Variants in KIF13B observed in about 807,000 individuals in gnomAD.
KIF13B encodes the protein kinesin family member 13B, also known as kinesin-like protein KIF13B.
In KIF13B, 127 loss-of-function variants were observed where a neutral mutation model predicts 222.0. The ratio of observed to expected loss-of-function variants is 0.57; its 90% CI spans 0.50 to 0.66. The LOEUF is 0.66. KIF13B is among the 30% of genes least tolerant of loss of function. The pLI, the probability that KIF13B is intolerant of heterozygous loss-of-function variation, is 0.00. For synonymous variants in KIF13B, 976 were observed against 919.0 expected, an observed-to-expected ratio of 1.06 and a Z score of -1.12; for missense variants, 2,173 against 2,379.0, an observed-to-expected ratio of 0.91 and a Z score of 1.80.
rs1046416343 is a variant in KIF13B at position 29,146,477 on chromosome 8, C to T, written c.2088G>A (p.Leu696=). ...CAGCAATGTAATTAGCTTCTCTCAC[C>T]AATAGATTGGCCTTAACAATTTGTT... ...LREQIVKANL[L]VREANYIAEE... is the part of the protein sequence containing the mutation. Residue 696 remains leucine, a synonymous_variant, in exon 18 of 40, where the codon TTG becomes TTA. Coordinates refer to ENST00000524189, the MANE Select transcript of KIF13B (RefSeq NM_015254.4). 27 of 1,613,504 alleles carry T rather than the reference C, an allele frequency of 1.7e-5. No homozygotes were observed. Among genetic ancestry groups the T allele is most frequent in the Non-Finnish European group, 2.3e-5 (27 of 1,179,586 alleles).
intron 22 of KIF13B, among the ~76,000 whole-genome samples, chr8:29,133,545 C>G (rs1244931097): frequency 6.6e-6 from 1 of 152,132 alleles, no homozygotes; most frequent in Non-Finnish European, 1.5e-5. Context: ...GAGCCAAGAT[C>G]GTGCCACTGC....
chr8:29,237,470 A>G (rs1050162803), intron 2 of KIF13B, among the ~76,000 whole-genome samples: 2 of 152,212 alleles, frequency 1.3e-5, no homozygotes, highest in Non-Finnish European at 2.9e-5. Flanking sequence ...AACCATATAC[A>G]CAAACCCTGA....
At chr8:29,109,858 A>T in intron 33 of KIF13B, 60 bp downstream of exon 33, 1 of 1,542,046 alleles carries the variant, frequency 6.5e-7, no homozygotes, top group Non-Finnish European at 8.9e-7. Flanking sequence ...ACAGAGTCAA[A>T]CACAGACTCA....
At chr8:29,183,164 GTTTGTTT>G (rs1812783653) in intron 6 of KIF13B, among the ~76,000 whole-genome samples, 1 of 104,836 alleles carries the variant, frequency 9.5e-6, no homozygotes, top group Non-Finnish European at 1.9e-5. Flanking sequence ...AATCCTTAAA[GTTTGTTT>G]TTTTTTTTTT....
chr8:29,139,087 T>G (rs1810693782), intron 21 of KIF13B, among the ~76,000 whole-genome samples: 1 of 152,160 alleles, frequency 6.6e-6, no homozygotes, highest in African/African-American at 2.4e-5. Context: ...GAAACGAGGT[T>G]GACCACAGGT....
chr8:29,240,002 G>T (rs1217467860), intron 2 of KIF13B, among the ~76,000 whole-genome samples: 1 of 134,614 alleles, frequency 7.4e-6, no homozygotes, highest in African/African-American at 2.8e-5. Flanking sequence ...TGTACCCCTG[G>T]AATCTAAAAG....
chr8:29,230,593 G>A (rs1375053652), intron 2 of KIF13B, among the ~76,000 whole-genome samples: 2 of 152,150 alleles, frequency 1.3e-5, no homozygotes, highest in African/African-American at 4.8e-5. Context: ...GGCTTCTGTG[G>A]GAGTGTATCC....
intron 37 of KIF13B, 47 bp downstream of exon 37, chr8:29,092,698 C>T (rs546356844): frequency 1.5e-5 from 23 of 1,563,644 alleles, no homozygotes; most frequent in Middle Eastern, 1.8e-4. Flanking sequence ...CACAGAGCAC[C>T]GCTTTATTAG....
At chr8:29,203,062 C>T (rs187314679) in intron 2 of KIF13B, among the ~76,000 whole-genome samples, 106 of 152,288 alleles carry the variant, frequency 7.0e-4, no homozygotes, top group Middle Eastern at 3.4e-3. Context: ...TAGGACCACT[C>T]GGTTTGTCTC....
At chr8:29,191,708 A>G (rs1385679671) in intron 3 of KIF13B, among the ~76,000 whole-genome samples, 1 of 152,182 alleles carries the variant, frequency 6.6e-6, no homozygotes, top group African/African-American at 2.4e-5. Flanking sequence ...CCTTATCACC[A>G]CTTTCTAGAA....
chr8:29,234,686 A>G (rs906448410), intron 2 of KIF13B, among the ~76,000 whole-genome samples: 6 of 86,304 alleles, frequency 7.0e-5, no homozygotes, highest in Admixed American at 1.2e-4. Flanking sequence ...CCACCAAAGG[A>G]AAAAAAAAAA....
chr8:29,213,151 G>A (rs1458149481), intron 2 of KIF13B, among the ~76,000 whole-genome samples: 1 of 152,092 alleles, frequency 6.6e-6, no homozygotes, highest in Non-Finnish European at 1.5e-5. Context: ...TGCAACTTCA[G>A]TAGTAAAGTA....
intron 38 of KIF13B, among the ~76,000 whole-genome samples, chr8:29,073,899 G>A (rs960072929): frequency 4.6e-5 from 7 of 152,140 alleles, no homozygotes; most frequent in African/African-American, 1.7e-4. Flanking sequence ...CAATCCAATA[G>A]ATCAATAACT....
intron 4 of KIF13B, chr8:29,190,767 C>A (rs966839220): frequency 5.8e-6 from 3 of 516,298 alleles, no homozygotes; most frequent in Non-Finnish European, 1.1e-5. Flanking sequence ...TAGAGAGCAT[C>A]GGAACTGAGT....
At chr8:29,143,370 A>G (rs1810905303) in intron 18 of KIF13B, among the ~76,000 whole-genome samples, 2 of 152,248 alleles carry the variant, frequency 1.3e-5, no homozygotes, top group African/African-American at 4.8e-5. Flanking sequence ...GGGGTATAAA[A>G]CATGAAACAC....
intron 29 of KIF13B, among the ~76,000 whole-genome samples, chr8:29,121,451 G>A (rs1809855895): frequency 1.9e-5 from 1 of 53,192 alleles, no homozygotes; most frequent in Non-Finnish European, 3.8e-5. Context: ...AACAAGCAAT[G>A]GGGAAAGGAT....
intron 37 of KIF13B, among the ~76,000 whole-genome samples, chr8:29,082,390 T>C (rs186158925): frequency 6.6e-6 from 1 of 152,318 alleles, no homozygotes; most frequent in African/African-American, 2.4e-5. Context: ...GGAAAAGATA[T>C]CGCTTCTGAT....
Position 29,100,473 on chromosome 8 carries a change from G to GT in KIF13B, c.4216-1233dup, listed in dbSNP as rs879881712. Among the ~76,000 whole-genome samples the GT allele has an allele frequency of 4.8e-3, 699 of 145,658 alleles. 1 individual carries two copies. Among genetic ancestry groups the GT allele is most frequent in the African/African-American group, 0.014 (570 of 39,994 alleles). On this transcript the variant is annotated intron_variant, in intron 35 of 39. Transcript: ENST00000524189. ...GAATAATCCTAATGATTAACTCGAG[G>GT]TTTTTTTTTTTTGAGACTGAGTTTC...
At chr8:29,224,576 T>C (rs778103202) in intron 2 of KIF13B, among the ~76,000 whole-genome samples, 4 of 152,198 alleles carry the variant, frequency 2.6e-5, no homozygotes, top group Admixed American at 1.3e-4. Context: ...TCATTACCTA[T>C]GTTAATAATT....
Sources: allele counts gnomAD v4.1 joint callset (sites outside exome capture counted in the v4.1 genomes callset), GRCh38; gene constraint gnomAD v4.1.1; transcripts MANE v1.5; gene names NCBI Gene and HGNC (gene_info 2026-07-23, HGNC 2026-07-21).